The following SLC12A6 variants were observed in gnomAD, a reference collection of about 807,000 sequenced individuals.
SLC12A6 encodes the protein K-Cl cotransporter 3.
In SLC12A6, 66 loss-of-function variants were observed where a neutral mutation model predicts 135.3. That is an observed-to-expected ratio of 0.49 (90% CI 0.40 to 0.60). SLC12A6 has a LOEUF of 0.60. Ranked by LOEUF, SLC12A6 falls within the 20% of genes least tolerant of loss-of-function variation. SLC12A6 has a pLI of 0.00. For synonymous variants in SLC12A6, 513 were observed against 508.8 expected, an observed-to-expected ratio of 1.01 and a Z score of -0.11; for missense variants, 1,058 against 1,452.3, an observed-to-expected ratio of 0.73 and a Z score of 4.41.
At chr15:34,319,653 G>A (rs1225744874) in intron 2 of SLC12A6, among the ~76,000 whole-genome samples, 1 of 151,862 alleles carries the variant, frequency 6.6e-6, no homozygotes, top group African/African-American at 2.4e-5. Flanking sequence ...ACAAAAATTA[G>A]CCAGGCGTGG....
chr15:34,243,706 GGTT>G (rs1891800186), intron 16 of SLC12A6, among the ~76,000 whole-genome samples: 1 of 152,120 alleles, frequency 6.6e-6, no homozygotes, highest in Non-Finnish European at 1.5e-5. Flanking sequence ...TGCAAGAGAA[GGTT>G]GTTTTAACCT....
intron 3 of SLC12A6, among the ~76,000 whole-genome samples, chr15:34,265,471 G>A (rs79006571): frequency 0.038 from 5,841 of 151,780 alleles, 211 homozygotes; most frequent in African/African-American, 0.096. Flanking sequence ...TCAAGAAGTG[G>A]TAAGTTCAAG....
chr15:34,315,683 G>A (rs1302992130), intron 2 of SLC12A6, among the ~76,000 whole-genome samples: 1 of 152,136 alleles, frequency 6.6e-6, no homozygotes, highest in African/African-American at 2.4e-5. Context: ...TATGCAGTGG[G>A]AAGTCAAAAA....
chr15:34,286,355 C>T (rs1895078746), intron 2 of SLC12A6, among the ~76,000 whole-genome samples: 1 of 151,426 alleles, frequency 6.6e-6, no homozygotes, highest in Admixed American at 6.6e-5. Flanking sequence ...GGATTACAGG[C>T]GTGAGCCACC....
intron 4 of SLC12A6, 99 bp downstream of exon 4, chr15:34,260,827 T>G (rs1388588547): frequency 1.4e-6 from 1 of 707,166 alleles, no homozygotes; most frequent in Non-Finnish European, 2.6e-6. Flanking sequence ...CATTAAATTA[T>G]CCAGCTTGTA....
At chr15:34,319,345 T>C (rs1320227806) in intron 2 of SLC12A6, among the ~76,000 whole-genome samples, 1 of 151,548 alleles carries the variant, frequency 6.6e-6, no homozygotes, top group Non-Finnish European at 1.5e-5. Flanking sequence ...TCTCACCACG[T>C]TGGTCAGGCT....
chr15:34,303,968 AAT>A (rs1896429819), intron 2 of SLC12A6, among the ~76,000 whole-genome samples: 1 of 152,324 alleles, frequency 6.6e-6, no homozygotes, highest in East Asian at 1.9e-4. Context: ...AGTGTTTCTT[AAT>A]ATAGTCACAC....
intron 13 of SLC12A6, 133 bp from the exon 14 acceptor site, chr15:34,246,000 T>C: frequency 1.3e-6 from 1 of 748,964 alleles, no homozygotes; most frequent in Non-Finnish European, 2.4e-6. Context: ...TGGTGTGATC[T>C]TGGCTCACTC....
chr15:34,281,179 T>C (rs1335245696), intron 2 of SLC12A6, among the ~76,000 whole-genome samples: 1 of 152,102 alleles, frequency 6.6e-6, no homozygotes, highest in Non-Finnish European at 1.5e-5. Context: ...TAGACTCAAA[T>C]AGCTAGGAGG....
chr15:34,286,441 C>A (rs1895085609), intron 2 of SLC12A6, among the ~76,000 whole-genome samples: 1 of 151,940 alleles, frequency 6.6e-6, no homozygotes, highest in East Asian at 1.9e-4. Context: ...TTGGCTAATA[C>A]ATTGTGGTCT....
chr15:34,326,723 GCTCTGTCAC>G (rs1889486474), intron 2 of SLC12A6, among the ~76,000 whole-genome samples: 1 of 146,076 alleles, frequency 6.8e-6, no homozygotes. Context: ...ACAGGGTCTT[GCTCTGTCAC>G]CCAGGCTGGA....
At chr15:34,307,381 G>A (rs895911423) in intron 2 of SLC12A6, among the ~76,000 whole-genome samples, 2 of 152,184 alleles carry the variant, frequency 1.3e-5, no homozygotes, top group Non-Finnish European at 2.9e-5. Flanking sequence ...AAAACACTAT[G>A]TCTCACCCTC....
At chr15:34,304,772 T>C (rs1896487742) in intron 2 of SLC12A6, among the ~76,000 whole-genome samples, 1 of 152,228 alleles carries the variant, frequency 6.6e-6, no homozygotes, top group Non-Finnish European at 1.5e-5. Flanking sequence ...GTAAATATTA[T>C]TGTTCTCTGA....
chr15:34,327,758 A>C (rs1355752411), intron 2 of SLC12A6, among the ~76,000 whole-genome samples: 2 of 152,170 alleles, frequency 1.3e-5, no homozygotes, highest in Non-Finnish European at 1.5e-5. Context: ...TCAAAGTGAA[A>C]ACGTGGATGT....
At chr15:34,251,151 T>C in intron 10 of SLC12A6, 94 bp from the exon 11 acceptor site, 2 of 919,282 alleles carry the variant, frequency 2.2e-6, no homozygotes, top group Non-Finnish European at 1.8e-6. Context: ...AGGCTCCTCA[T>C]TTATACAGTT....
intron 4 of SLC12A6, 89 bp from the exon 5 acceptor site, chr15:34,259,033 T>A: frequency 8.7e-7 from 1 of 1,153,362 alleles, no homozygotes; most frequent in Non-Finnish European, 1.3e-6. Flanking sequence ...AACTTCAAAT[T>A]AAATGAAAAA....
In SLC12A6 at chr15:34,254,368, A is replaced by G; in HGVS notation, c.1098T>C (p.Ser366=). 1 of 1,613,102 alleles carries G rather than the reference A, an allele frequency of 6.2e-7. No individual in the cohort carries two copies. Among genetic ancestry groups the G allele is most frequent in the Non-Finnish European group, 8.5e-7 (1 of 1,179,042 alleles). ...LAIYAGAIKS[S]FAPPHFPVCM... Reference sequence around the variant, plus strand: ...CGTACGGGAAGTGTGGAGGAGCAAAAGAAGACTTGATGGCTCCAGCATAGA... The same window carrying G: ...CGTACGGGAAGTGTGGAGGAGCAAAGGAAGACTTGATGGCTCCAGCATAGA... The change falls in exon 9 of 26, where the codon TCT becomes TCC. Residue 366 remains serine (S), a synonymous_variant. Transcript: ENST00000354181.
rs80277138 is a variant in SLC12A6 at position 34,331,889 on chromosome 15, A to C, written c.271+4521T>G. On this transcript the variant is annotated intron_variant, in intron 2 of 25. Transcript: ENST00000354181. ...TCTCACAAAAACTTGGTTAACAGCC[A>C]GTCTCAAAGTTGTTACACTTAGACC... Among the ~76,000 whole-genome samples, 1,192 of 152,248 alleles carry C rather than the reference A, an allele frequency of 7.8e-3. 20 individuals are homozygous for C. Among genetic ancestry groups the C allele is most frequent in the African/African-American group, 0.028 (1,143 of 41,526 alleles).
intron 2 of SLC12A6, among the ~76,000 whole-genome samples, chr15:34,296,893 A>C (rs535911425): frequency 6.6e-6 from 1 of 152,336 alleles, no homozygotes; most frequent in African/African-American, 2.4e-5. Flanking sequence ...TATTTGAAAA[A>C]AAATTTTAGT....
Sources: gnomAD v4.1 joint callset for allele counts (sites outside exome capture counted in the v4.1 genomes callset) on GRCh38, gnomAD v4.1.1 for gene constraint, MANE v1.5 for transcripts, NCBI Gene and HGNC (gene_info 2026-07-23, HGNC 2026-07-21) for gene names.